The following KHDRBS2 variants were observed in gnomAD, a reference collection of about 807,000 sequenced individuals.
KHDRBS2 encodes the protein KH domain-containing, RNA-binding, signal transduction-associated protein 2.
Under a neutral mutation model 44.3 loss-of-function variants are expected in KHDRBS2, and 26 were observed. The ratio of observed to expected loss-of-function variants is 0.59; its 90% CI spans 0.43 to 0.81. The LOEUF (loss-of-function observed/expected upper bound fraction) is 0.81, where lower values mean the gene tolerates loss of function less well. Among genes scored for constraint, KHDRBS2 ranks in the 40% least tolerant of loss-of-function variants. KHDRBS2 has a pLI of 0.00. For synonymous variants in KHDRBS2, 194 were observed against 151.1 expected (o/e 1.28, Z -2.08); for missense variants, 476 against 433.1 (o/e 1.10, Z -0.88).
chr6:61,606,667 T>C, the KHDRBS2 span, among the ~76,000 whole-genome samples: 1 of 152,250 alleles, frequency 6.6e-6, no homozygotes, highest in South Asian at 2.1e-4. Flanking sequence ...AAGTAGGTCT[T>C]GTTATGCAGA....
chr6:61,695,041 C>T (rs574371809), intron 8 of KHDRBS2, among the ~76,000 whole-genome samples: 3 of 152,144 alleles, frequency 2.0e-5, no homozygotes, highest in South Asian at 4.2e-4. Flanking sequence ...TATAAAAGAT[C>T]TCCTTCCCCT....
intron 7 of KHDRBS2, among the ~76,000 whole-genome samples, chr6:61,720,820 T>G (rs1252712844): frequency 6.6e-6 from 1 of 151,460 alleles, no homozygotes; most frequent in Non-Finnish European, 1.5e-5. Context: ...TTGTTGCCAT[T>G]GCTTTTGGTG....
At chr6:62,230,987 G>A (rs568831154) in intron 1 of KHDRBS2, among the ~76,000 whole-genome samples, 1 of 152,256 alleles carries the variant, frequency 6.6e-6, no homozygotes, top group South Asian at 2.1e-4. Context: ...TAAGTACTAA[G>A]TTTGAACTTT....
intron 3 of KHDRBS2, among the ~76,000 whole-genome samples, chr6:62,005,357 T>A (rs946238486): frequency 6.6e-6 from 1 of 152,048 alleles, no homozygotes; most frequent in Non-Finnish European, 1.5e-5. Context: ...TCTATTCCTG[T>A]CATCATTATT....
At chr6:62,171,400 C>A (rs1304425109) in intron 2 of KHDRBS2, among the ~76,000 whole-genome samples, 6 of 151,366 alleles carry the variant, frequency 4.0e-5, no homozygotes, top group African/African-American at 1.5e-4. Flanking sequence ...AAAGAATAAA[C>A]AAATATGAAC....
At chr6:61,969,434 A>C (rs1242904137) in intron 4 of KHDRBS2, among the ~76,000 whole-genome samples, 1 of 152,096 alleles carries the variant, frequency 6.6e-6, no homozygotes, top group Non-Finnish European at 1.5e-5. Context: ...CTGGTCTAAA[A>C]AGATGTCTGT....
intron 6 of KHDRBS2, among the ~76,000 whole-genome samples, chr6:61,813,803 G>C (rs1032711237): frequency 2.6e-5 from 4 of 152,002 alleles, no homozygotes; most frequent in African/African-American, 9.7e-5. Flanking sequence ...ACTAGATAGT[G>C]GTTAATTATA....
intron 8 of KHDRBS2, among the ~76,000 whole-genome samples, chr6:61,690,217 C>T (rs987195867): frequency 6.6e-6 from 1 of 151,840 alleles, no homozygotes; most frequent in Admixed American, 6.6e-5. Flanking sequence ...AGCTGGCATA[C>T]TTCCAAGTGG....
intron 4 of KHDRBS2, among the ~76,000 whole-genome samples, chr6:61,926,003 T>A (rs114539710): frequency 1.3e-5 from 2 of 152,094 alleles, no homozygotes; most frequent in Admixed American, 6.6e-5. Flanking sequence ...GAAGCCGACA[T>A]TGAGATAAAA....
In KHDRBS2 at chr6:61,936,599, G is replaced by A. The variant is rs111547261; in HGVS notation, c.484-35228C>T. Among the ~76,000 whole-genome samples, 80 of 151,576 alleles carry A rather than the reference G, an allele frequency of 5.3e-4. 1 individual carries two copies. Among genetic ancestry groups the A allele is most frequent in the African/African-American group, 1.8e-3 (74 of 41,398 alleles). On this transcript the variant is annotated intron_variant, in intron 4 of 8. Transcript: ENST00000281156. ...CATTCCATTATTTTATCTTATGTTG[G>A]TTTCCTTCGGGCTTCAGCTTATCTT...
the KHDRBS2 span, among the ~76,000 whole-genome samples, chr6:61,566,352 A>G: frequency 6.6e-6 from 1 of 152,188 alleles, no homozygotes; most frequent in Non-Finnish European, 1.5e-5. Flanking sequence ...ATAGTTAACA[A>G]TAATGCATAA....
chr6:61,631,613 AGGAGATC>A, the KHDRBS2 span, among the ~76,000 whole-genome samples: 1 of 152,162 alleles, frequency 6.6e-6, no homozygotes, highest in Admixed American at 6.6e-5. Flanking sequence ...TGATAGAAAT[AGGAGATC>A]ATTTAAATTT....
chr6:62,173,137 G>A (rs1463183948), intron 2 of KHDRBS2, among the ~76,000 whole-genome samples: 14 of 150,646 alleles, frequency 9.3e-5, no homozygotes, highest in South Asian at 2.1e-4. Flanking sequence ...AAATGTTCGC[G>A]TCCAGGAGTT....
At chr6:61,908,585 G>A (rs1805469750) in intron 4 of KHDRBS2, among the ~76,000 whole-genome samples, 1 of 145,726 alleles carries the variant, frequency 6.9e-6, no homozygotes, top group African/African-American at 2.6e-5. Context: ...AGTGAGCTGA[G>A]ATAGCGCCAC....
the KHDRBS2 span, among the ~76,000 whole-genome samples, chr6:61,576,977 T>A: frequency 6.6e-6 from 1 of 152,172 alleles, no homozygotes; most frequent in Non-Finnish European, 1.5e-5. Context: ...AAGTGTTGAT[T>A]TATAGATCAT....
chr6:61,836,531 A>G (rs1792705026), intron 6 of KHDRBS2, among the ~76,000 whole-genome samples: 1 of 152,040 alleles, frequency 6.6e-6, no homozygotes, highest in African/African-American at 2.4e-5. Context: ...AATGCTTCCA[A>G]TAAATAAGAA....
At chr6:61,745,671 A>G (rs1776758224) in intron 6 of KHDRBS2, among the ~76,000 whole-genome samples, 1 of 152,136 alleles carries the variant, frequency 6.6e-6, no homozygotes, top group Non-Finnish European at 1.5e-5. Context: ...TCTAAGTACC[A>G]AAAGGTTAAA....
intron 6 of KHDRBS2, among the ~76,000 whole-genome samples, chr6:61,774,942 C>G (rs1045584478): frequency 7.2e-5 from 11 of 152,102 alleles, no homozygotes; most frequent in African/African-American, 2.7e-4. Flanking sequence ...GCTCATCCAC[C>G]ATGATCAAGT....
At chr6:61,905,988 C>A (rs1444586833) in intron 4 of KHDRBS2, among the ~76,000 whole-genome samples, 1 of 149,806 alleles carries the variant, frequency 6.7e-6, no homozygotes, top group Non-Finnish European at 1.5e-5. Context: ...CTTGAGATTA[C>A]CGGTGCCCAC....
Sources: gnomAD v4.1 joint callset for allele counts (sites outside exome capture counted in the v4.1 genomes callset) on GRCh38, gnomAD v4.1.1 for gene constraint, MANE v1.5 for transcripts, NCBI Gene and HGNC (gene_info 2026-07-23, HGNC 2026-07-21) for gene names.